Variants in PDE10A observed in about 807,000 individuals in gnomAD.
PDE10A encodes the protein phosphodiesterase 10A, also known as cAMP and cAMP-inhibited cGMP 3',5'-cyclic phosphodiesterase 10A.
In PDE10A, 39 loss-of-function variants were observed where a neutral mutation model predicts 97.7. The observed-to-expected ratio is 0.40, with a 90% CI of 0.31 to 0.52. PDE10A has a LOEUF of 0.52. Among genes scored for constraint, PDE10A ranks in the 20% least tolerant of loss-of-function variants. The pLI, the probability that PDE10A is intolerant of heterozygous loss-of-function variation, is 0.56. For missense variants in PDE10A, 731 were observed against 1,047.8 expected, an observed-to-expected ratio of 0.70 and a Z score of 4.17; for synonymous variants, 371 against 376.8, an observed-to-expected ratio of 0.98 and a Z score of 0.18.
intron 1 of PDE10A, among the ~76,000 whole-genome samples, chr6:165,565,387 A>T (rs987412652): frequency 5.3e-5 from 8 of 152,304 alleles, no homozygotes; most frequent in African/African-American, 1.4e-4. Flanking sequence ...GTATAAATCT[A>T]ACAAAATAGA....
intron 1 of PDE10A, among the ~76,000 whole-genome samples, chr6:165,837,218 C>T (rs1271735968): frequency 6.6e-6 from 1 of 151,772 alleles, no homozygotes; most frequent in Non-Finnish European, 1.5e-5. Context: ...AAGAGTAATA[C>T]AAACTCCAAA....
chr6:165,647,354 A>G (rs1789452767), intron 1 of PDE10A, among the ~76,000 whole-genome samples: 1 of 152,214 alleles, frequency 6.6e-6, no homozygotes, highest in African/African-American at 2.4e-5. Context: ...AGGAGACCCA[A>G]CAGCATCGTT....
At chr6:165,932,072 G>A (rs919128965) in intron 1 of PDE10A, among the ~76,000 whole-genome samples, 2 of 152,032 alleles carry the variant, frequency 1.3e-5, no homozygotes, top group African/African-American at 4.8e-5. Flanking sequence ...AGCTAGTGCC[G>A]GTCCCAGGAA....
chr6:165,413,118 C>T (rs1189718523), intron 13 of PDE10A, among the ~76,000 whole-genome samples: 1 of 151,870 alleles, frequency 6.6e-6, no homozygotes, highest in Non-Finnish European at 1.5e-5. Flanking sequence ...CAAACATGAG[C>T]TATGACTATA....
intron 1 of PDE10A, among the ~76,000 whole-genome samples, chr6:165,568,415 T>C (rs1784898381): frequency 6.6e-6 from 1 of 152,146 alleles, no homozygotes; most frequent in African/African-American, 2.4e-5. Context: ...AATGGAAAAT[T>C]CCAGAAGTAA....
chr6:165,722,076 G>T (rs1792179891), intron 1 of PDE10A, among the ~76,000 whole-genome samples: 1 of 152,140 alleles, frequency 6.6e-6, no homozygotes, highest in Non-Finnish European at 1.5e-5. Context: ...ATGTATTTTT[G>T]CAAAAATTTT....
At position 165,975,002 on chromosome 6, in the gene PDE10A, G is replaced by A. The variant is rs189264990; in HGVS notation, c.-615+12527C>T. The stretch of plus-strand genomic sequence containing the variant: ...TCTTTCCTGGCTGCGCAGGGATTGT[G>A]AGGGTGTTACCTTGAGCTGCACTTC... On this transcript the variant is annotated intron_variant, in intron 1 of 19. Transcript: ENST00000366882. Among the ~76,000 whole-genome samples, 3 of 152,344 alleles carry A rather than the reference G, an allele frequency of 2.0e-5. 1 individual carries two copies. The highest frequency in any genetic ancestry group is 2.0e-4 in the Admixed American group (3 of 15,302).
At chr6:165,537,332 T>C (rs1783150564) in intron 2 of PDE10A, among the ~76,000 whole-genome samples, 1 of 151,854 alleles carries the variant, frequency 6.6e-6, no homozygotes, top group African/African-American at 2.4e-5. Context: ...GGTACAAAAT[T>C]ACAGTTATAT....
chr6:165,614,492 T>C (rs1432500635), intron 1 of PDE10A, among the ~76,000 whole-genome samples: 2 of 152,114 alleles, frequency 1.3e-5, no homozygotes, highest in African/African-American at 4.8e-5. Context: ...TCCCTCCTCT[T>C]CTAGAACATC....
intron 1 of PDE10A, among the ~76,000 whole-genome samples, chr6:165,888,711 C>T (rs1781698247): frequency 1.3e-5 from 2 of 152,260 alleles, no homozygotes; most frequent in South Asian, 4.1e-4. Context: ...GCAATCACTC[C>T]AAAAATGCAT....
chr6:165,711,458 TG>T lies in PDE10A; in HGVS notation c.-614-167891del, dbSNP rs1791893495. Among the ~76,000 whole-genome samples the T allele has an allele frequency of 6.6e-6, 1 of 152,182 alleles. No homozygotes were observed. The highest frequency in any genetic ancestry group is 1.5e-5 in the Non-Finnish European group (1 of 68,028). ...AGCTAGAACACCCTGCTTCTGGTCTTGTCTGGTGGACTCTGCGAGTTAGCTG... is the reference window on the plus strand; with the variant it reads ...AGCTAGAACACCCTGCTTCTGGTCTTTCTGGTGGACTCTGCGAGTTAGCTG... On this transcript the variant is annotated intron_variant, in intron 1 of 19. Transcript: ENST00000366882. This position sits in a 1 kb window ranked among gnomAD's most constrained non-coding sequence, Gnocchi z 4.5.
At chr6:165,428,551 T>A in intron 10 of PDE10A, 107 bp downstream of exon 10, 1 of 614,850 alleles carries the variant, frequency 1.6e-6, no homozygotes, top group Non-Finnish European at 2.9e-6. Flanking sequence ...CACATTTTCA[T>A]AATATTGAAA....
intron 1 of PDE10A, among the ~76,000 whole-genome samples, chr6:165,979,550 T>C (rs1411505238): frequency 6.6e-6 from 1 of 152,240 alleles, no homozygotes; most frequent in African/African-American, 2.4e-5. Flanking sequence ...AATAAGATAC[T>C]TGTTAATTCA....
intron 18 of PDE10A, among the ~76,000 whole-genome samples, chr6:165,354,485 G>A (rs1782899033): frequency 2.6e-5 from 4 of 152,192 alleles, no homozygotes; most frequent in Admixed American, 2.6e-4. Context: ...CTCCAAGCTG[G>A]AGATGGTATC....
chr6:165,359,630 T>C (rs1438864561), intron 18 of PDE10A, among the ~76,000 whole-genome samples: 1 of 152,166 alleles, frequency 6.6e-6, no homozygotes, highest in Non-Finnish European at 1.5e-5. Flanking sequence ...TGATTTCCAG[T>C]CCTTCCCTGC....
chr6:165,348,330 C>T (rs1302087619), intron 18 of PDE10A, among the ~76,000 whole-genome samples: 1 of 152,112 alleles, frequency 6.6e-6, no homozygotes, highest in African/African-American at 2.4e-5. Flanking sequence ...TAAAAGGATA[C>T]TTTTATCTGA....
chr6:165,648,303 C>T (rs777217385), intron 1 of PDE10A, among the ~76,000 whole-genome samples: 13 of 152,152 alleles, frequency 8.5e-5, no homozygotes, highest in South Asian at 2.1e-4. Flanking sequence ...TGACCCACCA[C>T]GCCCGGCCTT....
At chr6:165,580,585 T>C (rs1273481517) in intron 1 of PDE10A, among the ~76,000 whole-genome samples, 1 of 152,192 alleles carries the variant, frequency 6.6e-6, no homozygotes, top group Non-Finnish European at 1.5e-5. Flanking sequence ...GGTGATGTAG[T>C]TGAGAGATAT....
At chr6:165,884,246 G>A (rs993809049) in intron 1 of PDE10A, among the ~76,000 whole-genome samples, 2 of 152,178 alleles carry the variant, frequency 1.3e-5, no homozygotes, top group Non-Finnish European at 2.9e-5. Context: ...TGGGGGACAG[G>A]AAGTCAGGAA....
Sources: allele counts gnomAD v4.1 joint callset (sites outside exome capture counted in the v4.1 genomes callset), GRCh38; gene constraint gnomAD v4.1.1; non-coding constraint Gnocchi (gnomAD v3.1); transcripts MANE v1.5; gene names NCBI Gene and HGNC (gene_info 2026-07-23, HGNC 2026-07-21).